The following PHC3 variants were observed in gnomAD, a reference collection of about 807,000 sequenced individuals.
PHC3 encodes polyhomeotic-like protein 3.
In PHC3, 13 loss-of-function variants were observed where a neutral mutation model predicts 107.4. The observed-to-expected ratio is 0.12, with a 90% CI of 0.08 to 0.19. PHC3 has a LOEUF of 0.19. Ranked by LOEUF, PHC3 falls within the 10% of genes least tolerant of loss-of-function variation. The pLI, the probability that PHC3 is intolerant of heterozygous loss-of-function variation, is 1.00. For missense variants in PHC3, 992 were observed against 1,210.9 expected, an observed-to-expected ratio of 0.82 and a Z score of 2.68; for synonymous variants, 456 against 427.4, an observed-to-expected ratio of 1.07 and a Z score of -0.83.
chr3:170,130,070 C>A (rs1308721764), intron 7 of PHC3, among the ~76,000 whole-genome samples: 4 of 152,158 alleles, frequency 2.6e-5, no homozygotes, highest in African/African-American at 7.2e-5. Context: ...GTGATAAGTT[C>A]TAAAAGAAAA....
chr3:170,142,922 C>T (rs969459425), intron 6 of PHC3, among the ~76,000 whole-genome samples: 13 of 152,090 alleles, frequency 8.5e-5, no homozygotes, highest in African/African-American at 2.7e-4. Flanking sequence ...ACCTGTACTC[C>T]CAAAAGTCTG....
At chr3:170,154,654 G>A (rs1371492718) in intron 4 of PHC3, among the ~76,000 whole-genome samples, 1 of 152,142 alleles carries the variant, frequency 6.6e-6, no homozygotes, top group Admixed American at 6.5e-5. Flanking sequence ...AAGACAACTA[G>A]CAACGCCCTA....
chr3:170,162,735 CT>C (rs986231372), intron 4 of PHC3, among the ~76,000 whole-genome samples: 1 of 152,142 alleles, frequency 6.6e-6, no homozygotes, highest in African/African-American at 2.4e-5. Context: ...TCTCCAACAG[CT>C]TCCCAACTCA....
chr3:170,147,865 G>T (rs1040939134), intron 5 of PHC3: 1 of 152,160 alleles, frequency 6.6e-6, no homozygotes, highest in African/African-American at 2.4e-5. Context: ...GTATGAAACT[G>T]CTAATTTTAG....
At chr3:170,141,759 G>C (rs752315707) in intron 6 of PHC3, among the ~76,000 whole-genome samples, 1 of 151,934 alleles carries the variant, frequency 6.6e-6, no homozygotes, top group Non-Finnish European at 1.5e-5. Flanking sequence ...CTACAGGCCC[G>C]CACCACCACG....
intron 4 of PHC3, among the ~76,000 whole-genome samples, chr3:170,167,107 T>G (rs1282493110): frequency 1.3e-5 from 2 of 152,234 alleles, no homozygotes; most frequent in Non-Finnish European, 2.9e-5. Context: ...TTCCTTGTTT[T>G]CTACTTTAAC....
rs1351307496 is a variant in PHC3 at position 170,110,078 on chromosome 3, TATG to T, written c.2354-3135_2354-3133del. Among the ~76,000 whole-genome samples, 19 of 152,314 alleles carry T rather than the reference TATG, an allele frequency of 1.2e-4. No individual in the cohort carries two copies. In the East Asian group the frequency reaches 1.9e-3, roughly 15 times the overall value. On this transcript the variant is annotated intron_variant, in intron 11 of 14. Coordinates refer to ENST00000495893, the MANE Select transcript of PHC3 (RefSeq NM_024947.4). ...TTACTCTGATATCATATCCTGCTGA[TATG>T]ATAACATCAGTCCTTTCCTTTGAGA...
intron 8 of PHC3, among the ~76,000 whole-genome samples, chr3:170,123,487 T>C (rs1236494892): frequency 6.6e-6 from 1 of 152,034 alleles, no homozygotes; most frequent in Non-Finnish European, 1.5e-5. Flanking sequence ...TTGTAAAGAT[T>C]ATACTTAAGA....
chr3:170,140,584 C>CTTTTTTTTT (rs57137783), intron 6 of PHC3, among the ~76,000 whole-genome samples: 4 of 69,590 alleles, frequency 5.7e-5, no homozygotes, highest in Admixed American at 1.9e-4. Context: ...ATTTCTTTTT[C>CTTTTTTTTT]TTTTTTTTTT....
intron 4 of PHC3, among the ~76,000 whole-genome samples, chr3:170,159,246 G>A (rs867804698): frequency 1.6e-4 from 21 of 132,534 alleles, no homozygotes; most frequent in African/African-American, 5.6e-4. Context: ...AGCGAGACTC[G>A]GTCTCAAAAA....
chr3:170,174,110 T>C (rs1045918862), intron 2 of PHC3, among the ~76,000 whole-genome samples: 1 of 151,958 alleles, frequency 6.6e-6, no homozygotes, highest in African/African-American at 2.4e-5. Flanking sequence ...GGAGAACTGC[T>C]TGAACCCAGG....
rs766000914 is a variant in PHC3, at chr3:170,136,403, A to T, written c.919+16T>A. The T allele has an allele frequency of 1.9e-6, 3 of 1,611,840 alleles. No individual in the cohort carries two copies. The South Asian group carries it at 3.3e-5, about 18-fold the overall frequency. Reference sequence around the variant, plus strand: ...AATGAATAATACAACTATTTTCAACAAAAGTTTTATCCCACCTGGTGCTAT... The same window carrying T: ...AATGAATAATACAACTATTTTCAACTAAAGTTTTATCCCACCTGGTGCTAT... On this transcript the variant is annotated intron_variant, in intron 7 of 14. Coordinates refer to ENST00000495893, the MANE Select transcript of PHC3 (RefSeq NM_024947.4).
rs1434339894 is a variant in PHC3, at chr3:170,111,372, G to GAA, written c.2353+1986_2353+1987dup. Among the ~76,000 whole-genome samples the GAA allele has an allele frequency of 3.7e-5, 5 of 136,028 alleles. No individual in the cohort carries two copies. In the South Asian group the frequency reaches 1.2e-3, roughly 31 times the overall value. 89.2% of individuals were successfully genotyped at this position (136,028 alleles called of 152,430 possible). A position where few individuals can be genotyped will look rare whatever the true frequency, so the allele number is the denominator to read the frequency against. ...GAAAGGAAAGGGAAGGAAGGAAAAA[G>GAA]AAAGAAAGAGAGAGAAAGAAAGAGG... On this transcript the variant is annotated intron_variant, in intron 11 of 14. Transcript: ENST00000495893.
At chr3:170,175,732 G>C (rs1346401508) in intron 2 of PHC3, among the ~76,000 whole-genome samples, 1 of 151,790 alleles carries the variant, frequency 6.6e-6, no homozygotes, top group Non-Finnish European at 1.5e-5. Context: ...AGACCATCCT[G>C]GCTAACATGG....
intron 11 of PHC3, 130 bp from the exon 12 acceptor site, chr3:170,107,076 T>A: frequency 1.8e-6 from 1 of 544,648 alleles, no homozygotes; most frequent in Non-Finnish European, 3.2e-6. Context: ...CCACAGCCAC[T>A]CTGGCAGGGC....
chr3:170,156,995 TAAAAC>T (rs1234213238), intron 4 of PHC3, among the ~76,000 whole-genome samples: 5 of 152,056 alleles, frequency 3.3e-5, no homozygotes, highest in East Asian at 3.9e-4. Context: ...CTGGTGAAAA[TAAAAC>T]AAACATAAAA....
chr3:170,111,261 AGAAGGAAGGAAGGAAG>A (rs142477519), intron 11 of PHC3, among the ~76,000 whole-genome samples: 3,230 of 121,324 alleles, frequency 0.027, 102 homozygotes, highest in East Asian at 0.12. Flanking sequence ...TAAAACAAGA[AGAAGGAAGGAAGGAAG>A]GAAGGAAGGA....
intron 11 of PHC3, among the ~76,000 whole-genome samples, chr3:170,111,301 GGAAGGAAGGAAGGAAGGAAC>G (rs1443659032): frequency 3.7e-4 from 49 of 131,054 alleles, no homozygotes; most frequent in Middle Eastern, 3.7e-3. Context: ...AAGGAAGGAA[GGAAGGAAGGAAGGAAGGAAC>G]GAACGAACGA....
intron 4 of PHC3, among the ~76,000 whole-genome samples, chr3:170,153,007 G>C (rs1310721740): frequency 1.3e-5 from 2 of 152,002 alleles, no homozygotes; most frequent in African/African-American, 4.8e-5. Context: ...TACTTCCACG[G>C]TTTCAAACAA....
Sources: allele counts gnomAD v4.1 joint callset (sites outside exome capture counted in the v4.1 genomes callset), GRCh38; gene constraint gnomAD v4.1.1; transcripts MANE v1.5; gene names NCBI Gene and HGNC (gene_info 2026-07-23, HGNC 2026-07-21).